Variants in ARPP21 observed in about 807,000 individuals in gnomAD.
ARPP21 encodes cAMP regulated phosphoprotein 21.
A neutral mutation model predicts 113.2 loss-of-function variants in ARPP21; 69 were observed. The observed-to-expected ratio is 0.61, with a 90% confidence interval of 0.50 to 0.74. ARPP21 has a LOEUF of 0.74. Among genes scored for constraint, ARPP21 ranks in the 30% least tolerant of loss-of-function variants. The pLI is 0.00. For missense variants in ARPP21, 1,070 were observed against 1,037.4 expected, an observed-to-expected ratio of 1.03 and a Z score of -0.43; for synonymous variants, 368 against 375.5, an observed-to-expected ratio of 0.98 and a Z score of 0.23.
intron 19 of ARPP21, among the ~76,000 whole-genome samples, chr3:35,776,472 A>G (rs188294120): frequency 2.6e-5 from 4 of 152,274 alleles, no homozygotes; most frequent in Admixed American, 2.0e-4. Context: ...CTTTGATGCA[A>G]TGACACGGAG....
chr3:35,692,502 T>C (rs2082540378), intron 9 of ARPP21, among the ~76,000 whole-genome samples: 1 of 151,632 alleles, frequency 6.6e-6, no homozygotes, highest in Non-Finnish European at 1.5e-5. Flanking sequence ...TTCTTCTTTG[T>C]CTATAAGGTC....
intron 1 of ARPP21, among the ~76,000 whole-genome samples, chr3:35,666,968 T>C (rs905202530): frequency 1.3e-5 from 2 of 152,222 alleles, no homozygotes; most frequent in African/African-American, 4.8e-5. Context: ...TTGCCAGTCA[T>C]GTAGTAACTA....
Position 35,721,852 on chromosome 3 carries a change from T to A in ARPP21, c.1225+18T>A, listed in dbSNP as rs1468316298. ...CAAAGCAGGTAGTTAGTACTGAATG[T>A]GTTTATGTCCTGTGGTATTTTTTGG... On this transcript the variant is annotated intron_variant, in intron 14 of 20. Transcript: ENST00000684406. 1 of 1,521,628 alleles carries A rather than the reference T, an allele frequency of 6.6e-7. No homozygotes were observed. The highest frequency in any genetic ancestry group is 1.4e-5 in the African/African-American group (1 of 72,918). 94.3% of individuals were successfully genotyped at this position (1,521,628 alleles called of 1,614,324 possible).
chr3:35,748,423 GAGAA>G (rs1419730926), intron 19 of ARPP21, among the ~76,000 whole-genome samples: 3 of 137,340 alleles, frequency 2.2e-5, no homozygotes, highest in South Asian at 2.4e-4. Context: ...AGAAAGAAAA[GAGAA>G]AGAAAGAGAA....
chr3:35,763,690 C>T (rs966520511), intron 19 of ARPP21, among the ~76,000 whole-genome samples: 3 of 152,120 alleles, frequency 2.0e-5, no homozygotes, highest in African/African-American at 7.2e-5. Flanking sequence ...ACTTTGAAGG[C>T]ATAACTGACT....
rs1330101704 is a variant in ARPP21, at chr3:35,739,554, G to A, written c.1987G>A (p.Val663Met). 3 of 1,613,538 alleles carry A rather than the reference G, an allele frequency of 1.9e-6. No individual in the cohort carries two copies. Among genetic ancestry groups the A allele is most frequent in the Non-Finnish European group, 2.5e-6 (3 of 1,179,694 alleles). Residue 663 changes from valine to methionine, a missense_variant, in exon 18 of 21, where the codon GTG becomes ATG. Val to Met is a conservative substitution (Grantham distance 21, BLOSUM62 1). Coordinates refer to ENST00000684406, the MANE Select transcript of ARPP21 (RefSeq NM_001385562.1). ...GCCCCCTCCCTCACCACAGGGATTT[G>A]TGCAACAGCCTCCGCCTGCACAGGT... is the stretch of plus-strand genomic sequence containing the variant. ...LQPPPSPQGF[V>M]QQPPPAQMPV...
chr3:35,765,945 C>A (rs1023074668), intron 19 of ARPP21, among the ~76,000 whole-genome samples: 1 of 152,060 alleles, frequency 6.6e-6, no homozygotes, highest in Non-Finnish European at 1.5e-5. Flanking sequence ...TACAGTAATG[C>A]AAGTGAGGGG....
At chr3:35,699,665 T>C (rs1360959312) in intron 9 of ARPP21, among the ~76,000 whole-genome samples, 2 of 151,524 alleles carry the variant, frequency 1.3e-5, no homozygotes, top group African/African-American at 4.8e-5. Flanking sequence ...ATGAAAAAAA[T>C]ATATATAGCT....
At chr3:35,671,461 C>G (rs1575639930) in intron 1 of ARPP21, among the ~76,000 whole-genome samples, 1 of 152,070 alleles carries the variant, frequency 6.6e-6, no homozygotes, top group African/African-American at 2.4e-5. Flanking sequence ...CTCAACACAG[C>G]CCTTTTTTGT....
At chr3:35,662,824 C>T (rs1179993313) in intron 1 of ARPP21, among the ~76,000 whole-genome samples, 1 of 152,040 alleles carries the variant, frequency 6.6e-6, no homozygotes, top group African/African-American at 2.4e-5. Context: ...AAAAAATTAA[C>T]AAAGATTGCA....
At chr3:35,781,640 A>T (rs2096529500) in intron 19 of ARPP21, 1 of 152,190 alleles carries the variant, frequency 6.6e-6, no homozygotes, top group South Asian at 2.1e-4. Context: ...TCTTGCTGTT[A>T]CCAAGGAAAA....
rs2082105797 is a variant in ARPP21, at chr3:35,691,090, C to T, written c.686+85C>T. ...AGATCACAGTATAAAATTCACAGTA[C>T]ATGACATTTAAAATGTGCAGTGTTA... On this transcript the variant is annotated intron_variant, in intron 9 of 20. Transcript: ENST00000684406. 9 of 1,388,822 alleles carry T rather than the reference C, an allele frequency of 6.5e-6. No individual in the cohort carries two copies. The South Asian group carries it at 7.6e-5, about 12-fold the overall frequency. 86.0% of individuals were successfully genotyped at this position (1,388,822 alleles called of 1,614,324 possible). A position where few individuals can be genotyped will look rare whatever the true frequency, so the allele number is the denominator to read the frequency against.
chr3:35,659,166 G>C (rs1454061385), intron 1 of ARPP21, among the ~76,000 whole-genome samples: 1 of 152,002 alleles, frequency 6.6e-6, no homozygotes, highest in African/African-American at 2.4e-5. Context: ...ATCTATTCTT[G>C]CAACATTTTT....
intron 15 of ARPP21, among the ~76,000 whole-genome samples, chr3:35,734,439 C>T (rs1369110188): frequency 1.3e-5 from 2 of 151,996 alleles, no homozygotes; most frequent in East Asian, 3.9e-4. Flanking sequence ...AAAACAAGTG[C>T]CTGGAAAATG....
chr3:35,705,939 G>C (rs1489828436), intron 9 of ARPP21, among the ~76,000 whole-genome samples: 1 of 152,120 alleles, frequency 6.6e-6, no homozygotes, highest in African/African-American at 2.4e-5. Context: ...TTTTCAAAGT[G>C]CTATTTGCTT....
chr3:35,712,571 AGAGT>A (rs2091496958), intron 11 of ARPP21, among the ~76,000 whole-genome samples: 1 of 148,616 alleles, frequency 6.7e-6, no homozygotes, highest in South Asian at 2.1e-4. Context: ...TGAAAGAGAG[AGAGT>A]GTGTGTGTGT....
intron 20 of ARPP21, 51 bp from the exon 21 acceptor site, chr3:35,793,650 C>G (rs780318990): frequency 2.8e-5 from 38 of 1,347,392 alleles, no homozygotes; most frequent in Middle Eastern, 1.8e-4. Context: ...GTTTATTGTA[C>G]AGACCAAAAT....
At chr3:35,746,852 A>G (rs186225158) in intron 19 of ARPP21, among the ~76,000 whole-genome samples, 11 of 152,176 alleles carry the variant, frequency 7.2e-5, no homozygotes, top group Admixed American at 7.2e-4. Flanking sequence ...CTAAGACTTA[A>G]AACTCTACAC....
Position 35,743,889 on chromosome 3 carries a change from A to G in ARPP21, c.2061A>G (p.Gln687=), listed in dbSNP as rs774096925. 19 of 1,614,054 alleles carry G rather than the reference A, an allele frequency of 1.2e-5. No homozygotes were observed. The African/African-American group carries it at 1.3e-4, about 11-fold the overall frequency. ...GTCAGTACCCTACCTCAACCACGCA[A>G]CAGTACCGGCCCATGGCCCCGGTTC... is the stretch of plus-strand genomic sequence containing the variant. The part of the protein sequence containing the change: ...PSGQYPTSTT[Q]QYRPMAPVQY... Residue 687 remains glutamine (Q), a synonymous_variant, in exon 19 of 21, where the codon CAA becomes CAG. Coordinates refer to ENST00000684406, the MANE Select transcript of ARPP21 (RefSeq NM_001385562.1).
Sources: allele counts gnomAD v4.1 joint callset (sites outside exome capture counted in the v4.1 genomes callset), GRCh38; gene constraint gnomAD v4.1.1; transcripts MANE v1.5; gene names NCBI Gene and HGNC (gene_info 2026-07-23, HGNC 2026-07-21).